OR2M4: variants seen among roughly 807,000 people sequenced by gnomAD.
OR2M4 encodes the protein olfactory receptor family 2 subfamily M member 4, also known as olfactory receptor 2M4.
OR2M4 carries 8 observed loss-of-function variants against 13.7 expected under a neutral mutation model. The ratio of observed to expected loss-of-function variants is 0.58; its 90% confidence interval spans 0.34 to 1.05. The LOEUF (loss-of-function observed/expected upper bound fraction) is 1.05. OR2M4 is among the 50% of genes least tolerant of loss of function. The pLI is 0.02. For missense variants in OR2M4, 374 were observed against 381.6 expected (o/e 0.98, Z 0.17); for synonymous variants, 152 against 141.3 (o/e 1.08, Z -0.53).
intron 1 of OR2M4, among the ~76,000 whole-genome samples, chr1:248,237,438 G>A (rs1201864660): frequency 6.6e-6 from 1 of 152,084 alleles, no homozygotes; most frequent in Non-Finnish European, 1.5e-5. Flanking sequence ...TGGATCACCT[G>A]AGGTCAGGAG....
At chr1:248,234,814 T>C (rs992673630) in intron 1 of OR2M4, among the ~76,000 whole-genome samples, 8 of 152,054 alleles carry the variant, frequency 5.3e-5, no homozygotes, top group African/African-American at 1.9e-4. Context: ...TATGTCTTCT[T>C]TGAGAAGTGT....
chr1:248,231,650 C>A (rs1462361352), intron 1 of OR2M4, 70 bp downstream of exon 1: 1 of 152,090 alleles, frequency 6.6e-6, no homozygotes, highest in Non-Finnish European at 1.5e-5. Context: ...CCTTATATGA[C>A]TTTATTGAGG....
rs764263525 is a variant in OR2M4 at position 248,239,098 on chromosome 1, C to T, written c.170C>T (p.Thr57Ile). The change falls in exon 2 of 2, where the codon ACC (threonine) becomes ATC (isoleucine). Residue 57 changes from threonine (T) to isoleucine (I), a missense_variant. By Grantham distance (89) the Thr-to-Ile change is moderately conservative (BLOSUM62 -1). Coordinates refer to ENST00000641868, the MANE Select transcript of OR2M4 (RefSeq NM_017504.2). ...LLIYIEKQLHTPMYFLLSQLS... is the reference protein window; with the variant it reads ...LLIYIEKQLHIPMYFLLSQLS... ...ATCTACATAGAGAAACAGCTCCACACCCCCATGTACTTCCTCCTCAGTCAA... is the reference window on the plus strand; with the variant it reads ...ATCTACATAGAGAAACAGCTCCACATCCCCATGTACTTCCTCCTCAGTCAA... 1 of 1,614,004 alleles carries T rather than the reference C, an allele frequency of 6.2e-7. No homozygotes were observed. The highest frequency in any genetic ancestry group is 8.5e-7 in the Non-Finnish European group (1 of 1,179,948).
chr1:248,233,735 G>T (rs1050647309), intron 1 of OR2M4, among the ~76,000 whole-genome samples: 42 of 152,050 alleles, frequency 2.8e-4, no homozygotes, highest in Non-Finnish European at 4.4e-5. Context: ...AAATTTGGTG[G>T]CAGTTATGTA....
At position 248,244,636 on chromosome 1, in the gene OR2M4, T is replaced by C. The variant is rs1321268746; in HGVS notation, c.*4772T>C. ...GGGATCTATACCCTAAACCTCAGCGTGATGAAATATACACATGTAACAAAC... is the reference window on the plus strand; with the variant it reads ...GGGATCTATACCCTAAACCTCAGCGCGATGAAATATACACATGTAACAAAC... On this transcript the variant is annotated 3_prime_UTR_variant, in exon 2 of 2. Transcript: ENST00000641868. 1 of 152,124 alleles carries C rather than the reference T, an allele frequency of 6.6e-6. No homozygotes were observed. Among genetic ancestry groups the C allele is most frequent in the Non-Finnish European group, 1.5e-5 (1 of 68,014 alleles). 9.4% of individuals were successfully genotyped at this position (152,124 alleles called of 1,614,324 possible). A position where few individuals can be genotyped will look rare whatever the true frequency, so the allele number is the denominator to read the frequency against.
rs908256158 is a variant in OR2M4, at chr1:248,243,050, C to A, written c.*3186C>A. The A allele has an allele frequency of 6.6e-6, 1 of 151,378 alleles. No individual in the cohort carries two copies. The highest frequency in any genetic ancestry group is 1.5e-5 in the Non-Finnish European group (1 of 67,924). 9.4% of individuals were successfully genotyped at this position (151,378 alleles called of 1,614,324 possible). A position where few individuals can be genotyped will look rare whatever the true frequency, so the allele number is the denominator to read the frequency against. On this transcript the variant is annotated 3_prime_UTR_variant, in exon 2 of 2. Transcript: ENST00000641868. ...TGTTTTGAGTATGTTTGGGACATTG[C>A]GTATATGTGAATCTAATTTTTCAAC...
rs1666596489 is a variant in OR2M4 at position 248,239,648 on chromosome 1, C to T, written c.720C>T (p.Thr240=). 6.2e-7 allele frequency: 1 copy of T among 1,613,994 alleles called. No homozygotes were observed. The highest frequency in any genetic ancestry group is 8.5e-7 in the Non-Finnish European group (1 of 1,180,026). ...SGESRRKAFT[T]CSSHLSVVGL... is the part of the protein sequence containing the mutation. ...AAAGTCGTCGCAAGGCCTTCACTAC[C>T]TGCTCCTCCCACCTGTCTGTGGTCG... is the stretch of plus-strand genomic sequence containing the variant. The change falls in exon 2 of 2, where the codon ACC becomes ACT. Residue 240 remains threonine, a synonymous_variant. Coordinates refer to ENST00000641868, the MANE Select transcript of OR2M4 (RefSeq NM_017504.2).
Position 248,239,159 on chromosome 1 carries a change from T to A in OR2M4, c.231T>A (p.Thr77=). Residue 77 remains threonine (T), a synonymous_variant, in exon 2 of 2, where the codon ACT becomes ACA. Transcript: ENST00000641868. Reference sequence around the variant, plus strand: ...TGGACCTCATGCTCATCTGCACCACTCTACCCAAGATGATCTTCAGCTACT... The same window carrying A: ...TGGACCTCATGCTCATCTGCACCACACTACCCAAGATGATCTTCAGCTACT... ...SLMDLMLICT[T]LPKMIFSYLS... 6.2e-7 allele frequency: 1 copy of A among 1,614,044 alleles called. No homozygotes were observed. Among genetic ancestry groups the A allele is most frequent in the Non-Finnish European group, 8.5e-7 (1 of 1,179,948 alleles).
rs1666645163 is a variant in OR2M4, at chr1:248,244,292, T to C, written c.*4428T>C. 2 of 152,154 alleles carry C rather than the reference T, an allele frequency of 1.3e-5. No individual in the cohort carries two copies. The highest frequency in any genetic ancestry group is 4.1e-4 in the South Asian group (2 of 4,832). The allele number at this position is 152,154 out of a possible 1,614,324, so 9.4% of individuals were successfully genotyped here. A position where few individuals can be genotyped will look rare whatever the true frequency, so the allele number is the denominator to read the frequency against. The stretch of plus-strand genomic sequence containing the variant: ...CCCAATAGCAAGGAATCAACCTACA[T>C]GCCCATCAATGGTGGATTGGATAAA... On this transcript the variant is annotated 3_prime_UTR_variant, in exon 2 of 2. Transcript: ENST00000641868.
intron 1 of OR2M4, among the ~76,000 whole-genome samples, chr1:248,234,994 A>T (rs886564875): frequency 6.6e-6 from 1 of 152,126 alleles, no homozygotes; most frequent in African/African-American, 2.4e-5. Flanking sequence ...GCTGTGCAGA[A>T]GCCCTTTAGT....
chr1:248,235,855 C>T (rs982396131), intron 1 of OR2M4, among the ~76,000 whole-genome samples: 1 of 152,020 alleles, frequency 6.6e-6, no homozygotes, highest in Non-Finnish European at 1.5e-5. Flanking sequence ...GATTTTGTAT[C>T]CTGAGACGTT....
chr1:248,241,534 A>G lies in OR2M4; in HGVS notation c.*1670A>G, dbSNP rs931874808. ...AGTATAATCAAATGTTTTCTAATTT[A>G]AAAATGTGCTAGCAAATTTTAAAAA... On this transcript the variant is annotated 3_prime_UTR_variant, in exon 2 of 2. Coordinates refer to ENST00000641868, the MANE Select transcript of OR2M4 (RefSeq NM_017504.2). 1 of 152,168 alleles carries G rather than the reference A, an allele frequency of 6.6e-6. No homozygotes were observed. Among genetic ancestry groups the G allele is most frequent in the African/African-American group, 2.4e-5 (1 of 41,428 alleles). 9.4% of individuals were successfully genotyped at this position (152,168 alleles called of 1,614,324 possible).
At chr1:248,238,645 T>C (rs566122059) in intron 1 of OR2M4, among the ~76,000 whole-genome samples, 8 of 152,298 alleles carry the variant, frequency 5.3e-5, no homozygotes, top group Admixed American at 5.2e-4. Flanking sequence ...TGTGGGTAAG[T>C]AGGGAAGCTC....
In OR2M4 at chr1:248,235,132, T is replaced by C. The variant is rs571857602; in HGVS notation, c.-20+3552T>C. On this transcript the variant is annotated intron_variant, in intron 1 of 1. Transcript: ENST00000641868. ...AGATTTTCTTCTAGGGTTTTTATGG[T>C]TTGGAATTTTACATTTAAGTCTTTA... Among the ~76,000 whole-genome samples, 25 of 152,302 alleles carry C rather than the reference T, an allele frequency of 1.6e-4. 1 individual carries two copies. Among genetic ancestry groups the C allele is most frequent in the African/African-American group, 5.8e-4 (24 of 41,572 alleles).
At chr1:248,235,933 G>A (rs1666552232) in intron 1 of OR2M4, among the ~76,000 whole-genome samples, 1 of 152,046 alleles carries the variant, frequency 6.6e-6, no homozygotes, top group African/African-American at 2.4e-5. Flanking sequence ...GCATAGGATT[G>A]TCATCTGCAA....
rs1430433401 is a variant in OR2M4, at chr1:248,239,924, T to C, written c.*60T>C. ...CAACACTCATTCAAAAAAACTGGAATCTCTTAAATTATTCTATTTCTATTT... is the reference window on the plus strand; with the variant it reads ...CAACACTCATTCAAAAAAACTGGAACCTCTTAAATTATTCTATTTCTATTT... On this transcript the variant is annotated 3_prime_UTR_variant, in exon 2 of 2. Coordinates refer to ENST00000641868, the MANE Select transcript of OR2M4 (RefSeq NM_017504.2). 4 of 990,582 alleles carry C rather than the reference T, an allele frequency of 4.0e-6. No homozygotes were observed. Among genetic ancestry groups the C allele is most frequent in the Non-Finnish European group, 5.9e-6 (4 of 677,764 alleles). 61.4% of individuals were successfully genotyped at this position (990,582 alleles called of 1,614,324 possible). A position where few individuals can be genotyped will look rare whatever the true frequency, so the allele number is the denominator to read the frequency against.
chr1:248,234,457 C>T (rs1666536649), intron 1 of OR2M4, among the ~76,000 whole-genome samples: 1 of 152,028 alleles, frequency 6.6e-6, no homozygotes, highest in Non-Finnish European at 1.5e-5. Context: ...TCCCCTCAAC[C>T]CCCTTAACAG....
rs373031962 is a variant in OR2M4 at position 248,239,276 on chromosome 1, T to C, written c.348T>C (p.Ala116=). ...SLLGAECFLL[A]VMAYDRYVAI... is the part of the protein sequence containing the mutation. ...TTGGAGCTGAATGTTTCTTGTTGGC[T>C]GTCATGGCTTATGACCGCTATGTGG... The change falls in exon 2 of 2, where the codon GCT becomes GCC. Residue 116 remains alanine, a synonymous_variant. Coordinates refer to ENST00000641868, the MANE Select transcript of OR2M4 (RefSeq NM_017504.2). 85 of 1,613,894 alleles carry C rather than the reference T, an allele frequency of 5.3e-5. No individual in the cohort carries two copies. Among genetic ancestry groups the C allele is most frequent in the Non-Finnish European group, 4.2e-5 (50 of 1,179,928 alleles).
rs1300457812 is a variant in OR2M4 at position 248,244,080 on chromosome 1, C to T, written c.*4216C>T. The T allele has an allele frequency of 3.3e-5, 5 of 152,124 alleles. No individual in the cohort carries two copies. Among genetic ancestry groups the T allele is most frequent in the Non-Finnish European group, 5.9e-5 (4 of 68,014 alleles). 9.4% of individuals were successfully genotyped at this position (152,124 alleles called of 1,614,324 possible). A position where few individuals can be genotyped will look rare whatever the true frequency, so the allele number is the denominator to read the frequency against. On this transcript the variant is annotated 3_prime_UTR_variant, in exon 2 of 2. Coordinates refer to ENST00000641868, the MANE Select transcript of OR2M4 (RefSeq NM_017504.2). ...CTAGTGAAGCTGTGGAGAAAAGGAACACATATACACTGTTGGTGGGAATGT... is the reference window on the plus strand; with the variant it reads ...CTAGTGAAGCTGTGGAGAAAAGGAATACATATACACTGTTGGTGGGAATGT...
Sources: gnomAD v4.1 joint callset for allele counts (sites outside exome capture counted in the v4.1 genomes callset) on GRCh38, gnomAD v4.1.1 for gene constraint, MANE v1.5 for transcripts, NCBI Gene and HGNC (gene_info 2026-07-23, HGNC 2026-07-21) for gene names.